Variants in NXPH1 observed in about 807,000 individuals in gnomAD.
NXPH1 encodes neurexophilin 1, also known as neurexophilin-1.
NXPH1 carries 5 observed loss-of-function variants against 23.7 expected under a neutral mutation model. The ratio of observed to expected loss-of-function variants is 0.21; its 90% CI spans 0.11 to 0.44. NXPH1 has a LOEUF of 0.44. NXPH1 is among the 20% of genes least tolerant of loss of function. NXPH1 has a pLI of 0.99. For missense variants in NXPH1, 324 were observed against 321.6 expected, an observed-to-expected ratio of 1.01 and a Z score of -0.06; for synonymous variants, 144 against 122.2, an observed-to-expected ratio of 1.18 and a Z score of -1.18.
At chr7:8,447,665 G>A (rs1223821447) in intron 2 of NXPH1, among the ~76,000 whole-genome samples, 1 of 152,238 alleles carries the variant, frequency 6.6e-6, no homozygotes, top group Non-Finnish European at 1.5e-5. Flanking sequence ...ATTCTGAAGT[G>A]TGGAAGCATG....
At chr7:8,492,051 A>T (rs556236435) in intron 2 of NXPH1, among the ~76,000 whole-genome samples, 1 of 152,094 alleles carries the variant, frequency 6.6e-6, no homozygotes, top group Admixed American at 6.6e-5. Flanking sequence ...TTTTTCTGTG[A>T]ATGTTTTACA....
chr7:8,684,823 T>C (rs1821120371), intron 2 of NXPH1, among the ~76,000 whole-genome samples: 1 of 152,210 alleles, frequency 6.6e-6, no homozygotes, highest in African/African-American at 2.4e-5. Context: ...GTCCCATTGG[T>C]CATATTTAGG....
intron 2 of NXPH1, among the ~76,000 whole-genome samples, chr7:8,452,709 T>C (rs974152696): frequency 1.3e-5 from 2 of 152,140 alleles, no homozygotes; most frequent in Admixed American, 1.3e-4. Context: ...GTTTTTCTAG[T>C]GGGCATCCTA....
At chr7:8,606,818 C>T (rs1164628502) in intron 2 of NXPH1, among the ~76,000 whole-genome samples, 1 of 152,032 alleles carries the variant, frequency 6.6e-6, no homozygotes, top group East Asian at 1.9e-4. Context: ...ATGCTACTTT[C>T]TGAAGAATCT....
chr7:8,542,588 A>G (rs1445246159), intron 2 of NXPH1, among the ~76,000 whole-genome samples: 1 of 151,680 alleles, frequency 6.6e-6, no homozygotes, highest in Non-Finnish European at 1.5e-5. Flanking sequence ...AAACAGTCTC[A>G]GTAAATTAGA....
intron 2 of NXPH1, among the ~76,000 whole-genome samples, chr7:8,659,332 G>T (rs1820633020): frequency 6.6e-6 from 1 of 152,076 alleles, no homozygotes; most frequent in African/African-American, 2.4e-5. Flanking sequence ...CTCTATTAAG[G>T]GTATCAGAAG....
intron 2 of NXPH1, among the ~76,000 whole-genome samples, chr7:8,539,960 C>A (rs1274385851): frequency 6.6e-6 from 1 of 151,570 alleles, no homozygotes; most frequent in Admixed American, 6.6e-5. Flanking sequence ...AGACAGTAAA[C>A]CTTTATATTT....
chr7:8,733,166 A>G (rs1040607152), intron 2 of NXPH1, among the ~76,000 whole-genome samples: 1 of 152,084 alleles, frequency 6.6e-6, no homozygotes, highest in Non-Finnish European at 1.5e-5. Context: ...GCTTAGAATG[A>G]TGGTTTCCAG....
chr7:8,644,711 A>G (rs1323410043), intron 2 of NXPH1, among the ~76,000 whole-genome samples: 1 of 152,178 alleles, frequency 6.6e-6, no homozygotes, highest in Non-Finnish European at 1.5e-5. Flanking sequence ...AATATAAAAA[A>G]TATAACCATT....
intron 2 of NXPH1, among the ~76,000 whole-genome samples, chr7:8,583,847 A>G (rs779490924): frequency 2.6e-5 from 4 of 152,102 alleles, no homozygotes; most frequent in Non-Finnish European, 5.9e-5. Context: ...GTAGCAAGTT[A>G]TTCTTTCATG....
rs548687417 is a variant in NXPH1, at chr7:8,702,213, A to T, written c.55-48795A>T. Among the ~76,000 whole-genome samples, 3 of 152,240 alleles carry T rather than the reference A, an allele frequency of 2.0e-5. No individual in the cohort carries two copies. The South Asian group carries it at 6.2e-4, about 32-fold the overall frequency. On this transcript the variant is annotated intron_variant, in intron 2 of 2. Coordinates refer to ENST00000405863, the MANE Select transcript of NXPH1 (RefSeq NM_152745.3). ...ATGGCAAGAAGATCAGGTCATGTAG[A>T]AATAGTACATGGCTCTATCACCTCA... is the stretch of plus-strand genomic sequence containing the variant.
At chr7:8,626,998 G>T (rs1383101008) in intron 2 of NXPH1, among the ~76,000 whole-genome samples, 1 of 152,004 alleles carries the variant, frequency 6.6e-6, no homozygotes, top group Admixed American at 6.6e-5. Context: ...TCCTGTGAAC[G>T]CCTCTGACTT....
chr7:8,513,257 TAGGGATATCACAGAATAGAATGA>T (rs1026218755), intron 2 of NXPH1, among the ~76,000 whole-genome samples: 6 of 152,056 alleles, frequency 3.9e-5, no homozygotes, highest in South Asian at 2.1e-4. Flanking sequence ...ACAGAATATA[TAGGGATATCACAGAATAGAATGA>T]AGGGATATCA....
At chr7:8,539,432 GA>G (rs1040612596) in intron 2 of NXPH1, among the ~76,000 whole-genome samples, 4 of 151,720 alleles carry the variant, frequency 2.6e-5, no homozygotes, top group African/African-American at 7.3e-5. Context: ...TGATCACTCT[GA>G]TAGCAGAAAT....
intron 2 of NXPH1, among the ~76,000 whole-genome samples, chr7:8,488,018 G>T (rs1286119386): frequency 1.3e-5 from 2 of 152,106 alleles, no homozygotes; most frequent in African/African-American, 4.8e-5. Flanking sequence ...GCAGGATTAG[G>T]TACTTATCAG....
intron 2 of NXPH1, among the ~76,000 whole-genome samples, chr7:8,684,598 C>T (rs904038300): frequency 2.6e-5 from 4 of 152,166 alleles, no homozygotes; most frequent in African/African-American, 9.7e-5. Context: ...CAATCTGGCA[C>T]ACTTACAGAA....
chr7:8,551,784 T>C (rs950074884), intron 2 of NXPH1, among the ~76,000 whole-genome samples: 1 of 151,384 alleles, frequency 6.6e-6, no homozygotes, highest in Non-Finnish European at 1.5e-5. Context: ...AGCAAACAAA[T>C]GAGCAAGAAA....
At chr7:8,644,554 G>A (rs1820365504) in intron 2 of NXPH1, among the ~76,000 whole-genome samples, 1 of 151,734 alleles carries the variant, frequency 6.6e-6, no homozygotes, top group South Asian at 2.1e-4. Context: ...TGCAGTTATT[G>A]TTGAATTCTT....
intron 2 of NXPH1, among the ~76,000 whole-genome samples, chr7:8,589,212 G>C (rs904885437): frequency 3.9e-5 from 6 of 152,226 alleles, no homozygotes; most frequent in African/African-American, 1.4e-4. Flanking sequence ...TAATCTTAAA[G>C]TATAAGATGA....
Sources: gnomAD v4.1 joint callset for allele counts (sites outside exome capture counted in the v4.1 genomes callset) on GRCh38, gnomAD v4.1.1 for gene constraint, MANE v1.5 for transcripts, NCBI Gene and HGNC (gene_info 2026-07-23, HGNC 2026-07-21) for gene names.